Variants in MAST1 observed in about 807,000 individuals in gnomAD.
MAST1 encodes microtubule associated serine/threonine kinase 1, also known as microtubule-associated serine/threonine-protein kinase 1.
A neutral mutation model predicts 124.6 loss-of-function variants in MAST1; 40 were observed. The observed-to-expected ratio is 0.32, with a 90% CI of 0.25 to 0.42. The LOEUF is 0.42. Ranked by LOEUF, MAST1 falls within the 10% of genes least tolerant of loss-of-function variation. The probability of loss-of-function intolerance (pLI) is 1.00; values close to 1 mark genes in which losing one functional copy is unlikely to be tolerated. For synonymous variants in MAST1, 938 were observed against 939.4 expected, an observed-to-expected ratio of 1.00 and a Z score of 0.03; for missense variants, 1,558 against 2,181.9, an observed-to-expected ratio of 0.71 and a Z score of 5.70.
At position 12,847,601 on chromosome 19, in the gene MAST1, T is replaced by G. The variant is rs750734647; in HGVS notation, c.489-11T>G. On this transcript the variant is annotated splice_polypyrimidine_tract_variant and intron_variant, in intron 5 of 25. Transcript: ENST00000251472. This position sits in a 1 kb window ranked among gnomAD's most constrained non-coding sequence, Gnocchi z 5.5. Reference sequence around the variant, plus strand: ...CAGAGGACTCGACAAAATGGGCTTCTCTCCCCGCAGCCCCGGGCGCTCCCC... The same window carrying G: ...CAGAGGACTCGACAAAATGGGCTTCGCTCCCCGCAGCCCCGGGCGCTCCCC... 6.2e-7 allele frequency: 1 copy of G among 1,613,954 alleles called. No individual in the cohort carries two copies. The highest frequency in any genetic ancestry group is 1.7e-5 in the Admixed American group (1 of 59,990).
chr19:12,845,829 T>G (rs1219073946), intron 4 of MAST1, among the ~76,000 whole-genome samples: 1 of 151,888 alleles, frequency 6.6e-6, no homozygotes, highest in African/African-American at 2.4e-5. Context: ...GCTAATTTTT[T>G]TATATTTTTA....
chr19:12,842,601 G>A (rs1969844736), intron 3 of MAST1, among the ~76,000 whole-genome samples: 1 of 152,192 alleles, frequency 6.6e-6, no homozygotes, highest in African/African-American at 2.4e-5. Flanking sequence ...CCAGTTTACT[G>A]TCTCACAGCC....
In MAST1 at chr19:12,866,392, G is replaced by T. The variant is rs774933577; in HGVS notation, c.2030-261G>T. ...AACTAGAGAGAGGTACTAGCGCTCA[G>T]AATGGCCTGGGGTGATGCCAGGGTG... On this transcript the variant is annotated intron_variant, in intron 17 of 25. Coordinates refer to ENST00000251472, the MANE Select transcript of MAST1 (RefSeq NM_014975.3). This position sits in a 1 kb window ranked among gnomAD's most constrained non-coding sequence, Gnocchi z 5.2. Among the ~76,000 whole-genome samples the T allele has an allele frequency of 6.6e-6, 1 of 152,160 alleles. No individual in the cohort carries two copies. The highest frequency in any genetic ancestry group is 6.5e-5 in the Admixed American group (1 of 15,280).
In MAST1 at chr19:12,843,140, G is replaced by A. The variant is rs1389315039; in HGVS notation, c.249-389G>A. ...ATATTCTATGTCAGAACATGTTGGG[G>A]GGTGGGACGGGTCTTTTTTCTCTGA... On this transcript the variant is annotated intron_variant, in intron 3 of 25. Transcript: ENST00000251472. This position sits in a 1 kb window ranked among gnomAD's most constrained non-coding sequence, Gnocchi z 4.9. Among the ~76,000 whole-genome samples the A allele has an allele frequency of 6.6e-6, 1 of 152,128 alleles. No individual in the cohort carries two copies. The highest frequency in any genetic ancestry group is 2.4e-5 in the African/African-American group (1 of 41,424).
At position 12,865,474 on chromosome 19, in the gene MAST1, C is replaced by G; in HGVS notation, c.1797C>G (p.Val599=). Reference sequence around the variant, plus strand: ...CACCAGAGGAGCTATTTGGACAGGTCATCAGTGGTACGTGGCTTGGCAGTG... The same window carrying G: ...CACCAGAGGAGCTATTTGGACAGGTGATCAGTGGTACGTGGCTTGGCAGTG... The part of the protein sequence containing the change: ...GDTPEELFGQ[V]ISDDILWPEG... The change falls in exon 15 of 26, where the codon GTC becomes GTG. Residue 599 remains valine (V), a synonymous_variant. Transcript: ENST00000251472. This position sits in a 1 kb window ranked among gnomAD's most constrained non-coding sequence, Gnocchi z 7.1. The G allele has an allele frequency of 6.3e-7, 1 of 1,582,904 alleles. No homozygotes were observed. Among genetic ancestry groups the G allele is most frequent in the Non-Finnish European group, 8.6e-7 (1 of 1,165,630 alleles).
intron 12 of MAST1, among the ~76,000 whole-genome samples, chr19:12,862,403 C>CA (rs1208139491): frequency 1.3e-5 from 2 of 152,144 alleles, no homozygotes; most frequent in Non-Finnish European, 2.9e-5. Flanking sequence ...GCAATCCTCC[C>CA]ACCTCAGCCT....
chr19:12,872,582 G>C (rs1970249832), intron 24 of MAST1: 1 of 152,360 alleles, frequency 6.6e-6, no homozygotes, highest in African/African-American at 2.4e-5. Flanking sequence ...GGACTAGAGG[G>C]GTGGGCAGGA....
chr19:12,863,862 C>T (rs917199043), intron 12 of MAST1, among the ~76,000 whole-genome samples: 4 of 151,838 alleles, frequency 2.6e-5, no homozygotes, highest in African/African-American at 9.7e-5. Context: ...CAGGAGGATC[C>T]TTTGAACCCA....
intron 3 of MAST1, among the ~76,000 whole-genome samples, chr19:12,842,320 T>C (rs1969840828): frequency 6.6e-6 from 1 of 151,474 alleles, no homozygotes; most frequent in Non-Finnish European, 1.5e-5. Flanking sequence ...TGAGACAGAG[T>C]CTCGCTCTGT....
At position 12,847,463 on chromosome 19, in the gene MAST1, C is replaced by T. The variant is rs750610033; in HGVS notation, c.488+13C>T. Reference sequence around the variant, plus strand: ...CACGGAGCCTCAGGTGGGCAGGCATCCCTCCTCCTTCGTACCAAGCTAGTG... The same window carrying T: ...CACGGAGCCTCAGGTGGGCAGGCATTCCTCCTCCTTCGTACCAAGCTAGTG... On this transcript the variant is annotated intron_variant, in intron 5 of 25. Coordinates refer to ENST00000251472, the MANE Select transcript of MAST1 (RefSeq NM_014975.3). This position sits in a 1 kb window ranked among gnomAD's most constrained non-coding sequence, Gnocchi z 5.5. 3.7e-6 allele frequency: 6 copies of T among 1,613,342 alleles called. No homozygotes were observed. The South Asian group carries it at 6.6e-5, about 18-fold the overall frequency.
At chr19:12,851,628 A>G (rs1969960981) in intron 7 of MAST1, among the ~76,000 whole-genome samples, 1 of 152,182 alleles carries the variant, frequency 6.6e-6, no homozygotes, top group East Asian at 1.9e-4. Flanking sequence ...CTGGGATTAC[A>G]GGCACCTGCC....
chr19:12,859,547 C>T (rs181780857), intron 12 of MAST1, among the ~76,000 whole-genome samples: 15 of 152,140 alleles, frequency 9.9e-5, no homozygotes, highest in East Asian at 3.9e-4. Flanking sequence ...CCACCACACT[C>T]GGCTAATTTT....
At position 12,865,490 on chromosome 19, in the gene MAST1, C is replaced by A; in HGVS notation, c.1804+9C>A. 1 of 1,570,540 alleles carries A rather than the reference C, an allele frequency of 6.4e-7. No homozygotes were observed. Reference sequence around the variant, plus strand: ...TGGACAGGTCATCAGTGGTACGTGGCTTGGCAGTGTACAGGGGCAGAGTGT... The same window carrying A: ...TGGACAGGTCATCAGTGGTACGTGGATTGGCAGTGTACAGGGGCAGAGTGT... On this transcript the variant is annotated intron_variant, in intron 15 of 25. Transcript: ENST00000251472. The surrounding 1 kb of genome is among the most constrained non-coding windows in gnomAD (Gnocchi z 7.1).
rs751378845 is a variant in MAST1 at position 12,840,547 on chromosome 19, G to A, written c.172+13G>A. 1.2e-6 allele frequency: 2 copies of A among 1,602,300 alleles called. No homozygotes were observed. The highest frequency in any genetic ancestry group is 3.4e-5 in the Admixed American group (2 of 59,662). On this transcript the variant is annotated intron_variant, in intron 2 of 25. Transcript: ENST00000251472. ...CCAGGTCACCTAGGTGAGGCCAGTG[G>A]TAGAGACTTGGTGGGTGCAGACTGG...
At chr19:12,870,736 C>A in intron 22 of MAST1, 88 bp from the exon 23 acceptor site, 2 of 1,367,736 alleles carry the variant, frequency 1.5e-6, no homozygotes, top group Admixed American at 2.3e-5. Flanking sequence ...CTAATGCATG[C>A]AGAGCTAAGT....
In MAST1 at chr19:12,865,297, G is replaced by A; in HGVS notation, c.1639-19G>A. 2 of 1,580,714 alleles carry A rather than the reference G, an allele frequency of 1.3e-6. No homozygotes were observed. Among genetic ancestry groups the A allele is most frequent in the African/African-American group, 1.3e-5 (1 of 74,300 alleles). The stretch of plus-strand genomic sequence containing the variant: ...GGGCCCTCCTCTGGCTGGGGCGTGG[G>A]CTGACAGCCTGCCCCCAGGTGTGTG... On this transcript the variant is annotated intron_variant, in intron 14 of 25. Transcript: ENST00000251472. The surrounding 1 kb of genome is among the most constrained non-coding windows in gnomAD (Gnocchi z 7.1).
intron 22 of MAST1, among the ~76,000 whole-genome samples, chr19:12,869,915 G>A (rs1290652820): frequency 4.0e-5 from 6 of 151,780 alleles, no homozygotes; most frequent in South Asian, 2.1e-4. Context: ...TGGGCCGAGC[G>A]CGGTGGCTGT....
In MAST1 at chr19:12,866,999, T is replaced by C. The variant is rs988770471; in HGVS notation, c.2139+237T>C. ...AGGACAGTTGTGCAGATTGAGGCCA[T>C]GGTGGGGCGGGGCTAGGTGTGGGTG... On this transcript the variant is annotated intron_variant, in intron 18 of 25. Coordinates refer to ENST00000251472, the MANE Select transcript of MAST1 (RefSeq NM_014975.3). The surrounding 1 kb of genome is among the most constrained non-coding windows in gnomAD (Gnocchi z 5.2). Among the ~76,000 whole-genome samples, 1 of 122,654 alleles carries C rather than the reference T, an allele frequency of 8.2e-6. No individual in the cohort carries two copies. Among genetic ancestry groups the C allele is most frequent in the Non-Finnish European group, 1.7e-5 (1 of 59,632 alleles). 80.5% of individuals were successfully genotyped at this position (122,654 alleles called of 152,430 possible).
In MAST1 at chr19:12,868,769, T is replaced by C; in HGVS notation, c.2693T>C (p.Val898Ala). 1 of 1,611,828 alleles carries C rather than the reference T, an allele frequency of 6.2e-7. No individual in the cohort carries two copies. The highest frequency in any genetic ancestry group is 8.5e-7 in the Non-Finnish European group (1 of 1,178,808). Reference protein sequence around the residue: ...RHQQMSGDVAVEKRPSRTGGK... With the variant: ...RHQQMSGDVAAEKRPSRTGGK... The stretch of plus-strand genomic sequence containing the variant: ...CAGCAGATGTCAGGGGATGTGGCAG[T>C]AGAGAAGAGGCCTTCTCGAACTGGG... The change falls in exon 21 of 26, where the codon GTA (valine) becomes GCA (alanine). Residue 898 changes from valine (V) to alanine (A), a missense_variant. Val to Ala is a moderately conservative substitution (Grantham distance 64, BLOSUM62 0). This residue lies in a region of MAST1 where 287 missense variants were observed against 308.0 expected (regional missense o/e 0.93). Coordinates refer to ENST00000251472, the MANE Select transcript of MAST1 (RefSeq NM_014975.3).
Sources: gnomAD v4.1 joint callset for allele counts (sites outside exome capture counted in the v4.1 genomes callset) on GRCh38, gnomAD v4.1.1 for gene constraint, gnomAD v4.1.1 regional missense constraint, Gnocchi (gnomAD v3.1) non-coding constraint, MANE v1.5 for transcripts, NCBI Gene and HGNC (gene_info 2026-07-23, HGNC 2026-07-21) for gene names.